Variants in SLC25A26 observed in about 807,000 individuals in gnomAD.
SLC25A26 encodes mitochondrial S-adenosylmethionine carrier protein.
Under a neutral mutation model 37.8 loss-of-function variants are expected in SLC25A26, and 36 were observed. The ratio of observed to expected loss-of-function variants is 0.95; its 90% CI spans 0.73 to 1.26. SLC25A26 has a LOEUF of 1.26. SLC25A26 is among the 50% of genes most tolerant of loss of function. The probability of loss-of-function intolerance (pLI) is 0.00; values close to 1 mark genes in which losing one functional copy is unlikely to be tolerated. For synonymous variants in SLC25A26, 129 were observed against 122.5 expected, an observed-to-expected ratio of 1.05 and a Z score of -0.35; for missense variants, 390 against 331.1, an observed-to-expected ratio of 1.18 and a Z score of -1.38.
chr3:66,144,036 A>G (rs2070077824), intron 1 of SLC25A26, among the ~76,000 whole-genome samples: 1 of 152,200 alleles, frequency 6.6e-6, no homozygotes, highest in Non-Finnish European at 1.5e-5. Context: ...TCAGATGTTA[A>G]TCACACATGA....
At chr3:66,189,440 T>C (rs1315184018) in intron 1 of SLC25A26, among the ~76,000 whole-genome samples, 1 of 151,626 alleles carries the variant, frequency 6.6e-6, no homozygotes, top group African/African-American at 2.4e-5. Context: ...ACGCTTAACC[T>C]CTCCCTGTCT....
At chr3:66,166,919 G>T (rs994696283) in intron 1 of SLC25A26, among the ~76,000 whole-genome samples, 2 of 152,076 alleles carry the variant, frequency 1.3e-5, no homozygotes, top group African/African-American at 4.8e-5. Flanking sequence ...TCATGGGGGC[G>T]GGTATTTCCT....
intron 1 of SLC25A26, among the ~76,000 whole-genome samples, chr3:66,204,957 C>T (rs1273657175): frequency 4.6e-5 from 7 of 152,078 alleles, no homozygotes; most frequent in African/African-American, 1.4e-4. Flanking sequence ...GCTAATGGGG[C>T]TCTGAGATGG....
At chr3:66,220,845 T>C, upstream of SLC25A26, 2 of 564,146 alleles carry the variant, frequency 3.5e-6, no homozygotes, top group Non-Finnish European at 6.2e-6. Flanking sequence ...ACAACGCTGC[T>C]GCAGGAAACC....
chr3:66,308,743 G>A (rs1284261193), intron 5 of SLC25A26, among the ~76,000 whole-genome samples: 2 of 152,138 alleles, frequency 1.3e-5, no homozygotes, highest in South Asian at 2.1e-4. Context: ...GGGGTGGTTA[G>A]CATGAAGGTG....
At position 66,362,934 on chromosome 3, in the gene SLC25A26, A is replaced by C. The variant is rs2076743972; in HGVS notation, c.568+5A>C. ...CAGTCTGTGGAGCTTTTGCAGGTGCAAAGGATTATATTATACTGGGAAAGA... is the reference window on the plus strand; with the variant it reads ...CAGTCTGTGGAGCTTTTGCAGGTGCCAAGGATTATATTATACTGGGAAAGA... On this transcript the variant is annotated splice_donor_5th_base_variant and intron_variant, in intron 7 of 9. Coordinates refer to ENST00000354883, the MANE Select transcript of SLC25A26 (RefSeq NM_001379210.1). The C allele has an allele frequency of 6.3e-7, 1 of 1,591,604 alleles. No homozygotes were observed. Among genetic ancestry groups the C allele is most frequent in the Non-Finnish European group, 8.6e-7 (1 of 1,165,466 alleles).
At position 66,236,769 on chromosome 3, in the gene SLC25A26, T is replaced by C. The variant is rs2072311982; in HGVS notation, c.190+69T>C. The C allele has an allele frequency of 5.8e-6, 7 of 1,213,424 alleles. No homozygotes were observed. In the Middle Eastern group the frequency reaches 8.4e-4, roughly 145 times the overall value. The allele number at this position is 1,213,424 out of a possible 1,614,324, so 75.2% of individuals were successfully genotyped here. On this transcript the variant is annotated intron_variant, in intron 2 of 9. Transcript: ENST00000354883. ...GGATTTTCAGAATGGTGTGTGGTCTTACCCCCATAGAATTCCTTGTGTGTT... is the reference window on the plus strand; with the variant it reads ...GGATTTTCAGAATGGTGTGTGGTCTCACCCCCATAGAATTCCTTGTGTGTT...
At chr3:66,252,178 C>T (rs2073110540) in intron 3 of SLC25A26, among the ~76,000 whole-genome samples, 1 of 152,186 alleles carries the variant, frequency 6.6e-6, no homozygotes, top group Admixed American at 6.5e-5. Context: ...CTGTCAGTGA[C>T]AAACCTTTAT....
intron 1 of SLC25A26, among the ~76,000 whole-genome samples, chr3:66,226,139 C>T (rs1231563457): frequency 6.6e-6 from 1 of 152,064 alleles, no homozygotes. Flanking sequence ...AAAGACATAC[C>T]CAAGACTGGG....
chr3:66,212,499 A>G (rs930898207), intron 1 of SLC25A26, among the ~76,000 whole-genome samples: 3 of 152,196 alleles, frequency 2.0e-5, no homozygotes, highest in African/African-American at 4.8e-5. Flanking sequence ...AAAACCTAGT[A>G]TACATAGGGT....
intron 5 of SLC25A26, among the ~76,000 whole-genome samples, chr3:66,270,967 A>G (rs1221162294): frequency 1.3e-5 from 2 of 152,172 alleles, no homozygotes; most frequent in African/African-American, 4.8e-5. Flanking sequence ...CCATTGTTGC[A>G]TGTTGGCCAT....
At chr3:66,162,602 G>A (rs2070374922) in intron 1 of SLC25A26, among the ~76,000 whole-genome samples, 1 of 152,158 alleles carries the variant, frequency 6.6e-6, no homozygotes, top group African/African-American at 2.4e-5. Context: ...CTGAATCATG[G>A]AGGTCTTTGT....
intron 5 of SLC25A26, among the ~76,000 whole-genome samples, chr3:66,334,986 A>T (rs943691666): frequency 5.9e-5 from 9 of 152,192 alleles, no homozygotes; most frequent in African/African-American, 2.2e-4. Context: ...ATCTCTCCTG[A>T]TTTATCTCTT....
chr3:66,203,381 C>CA (rs1480332348), intron 1 of SLC25A26, among the ~76,000 whole-genome samples: 1 of 143,750 alleles, frequency 7.0e-6, no homozygotes, highest in South Asian at 2.2e-4. Context: ...GACCCTGTCT[C>CA]AAAAAAAGGA....
intron 6 of SLC25A26, among the ~76,000 whole-genome samples, chr3:66,349,021 C>G (rs941707946): frequency 6.6e-6 from 1 of 152,186 alleles, no homozygotes; most frequent in Non-Finnish European, 1.5e-5. Context: ...TCTGCACACT[C>G]TAACATCCTT....
intron 3 of SLC25A26, 102 bp from the exon 4 acceptor site, chr3:66,261,949 C>A: frequency 3.0e-6 from 2 of 670,212 alleles, no homozygotes; most frequent in African/African-American, 1.9e-5. Context: ...TTGCAGTAAG[C>A]CTACATATTA....
intron 1 of SLC25A26, among the ~76,000 whole-genome samples, chr3:66,222,473 G>T (rs1472070595): frequency 1.3e-5 from 2 of 152,186 alleles, no homozygotes; most frequent in Non-Finnish European, 2.9e-5. Flanking sequence ...GAGCCACGGC[G>T]CCTGGCCAAT....
chr3:66,155,182 C>T (rs2070264349), intron 1 of SLC25A26, among the ~76,000 whole-genome samples: 1 of 152,230 alleles, frequency 6.6e-6, no homozygotes, highest in African/African-American at 2.4e-5. Flanking sequence ...CAGAGACCAG[C>T]TCAATAAATA....
At chr3:66,362,782 C>A in intron 6 of SLC25A26, 78 bp from the exon 7 acceptor site, 3 of 937,322 alleles carry the variant, frequency 3.2e-6, no homozygotes, top group Non-Finnish European at 4.7e-6. Flanking sequence ...AAGTTCCCAT[C>A]CCCAGAGCTA....
Sources: gnomAD v4.1 joint callset for allele counts (sites outside exome capture counted in the v4.1 genomes callset) on GRCh38, gnomAD v4.1.1 for gene constraint, MANE v1.5 for transcripts, NCBI Gene and HGNC (gene_info 2026-07-23, HGNC 2026-07-21) for gene names.